CACNA1G: variants seen among roughly 807,000 people sequenced by gnomAD.
CACNA1G encodes the protein voltage-dependent T-type calcium channel subunit alpha-1G.
Under a neutral mutation model 219.4 loss-of-function variants are expected in CACNA1G, and 67 were observed. The observed-to-expected ratio is 0.31, with a 90% CI of 0.25 to 0.37. CACNA1G has a LOEUF of 0.37. Ranked by LOEUF, CACNA1G falls within the 10% of genes least tolerant of loss-of-function variation. CACNA1G has a pLI of 1.00. For missense variants in CACNA1G, 2,380 were observed against 3,231.4 expected (o/e 0.74, Z 6.39); for synonymous variants, 1,296 against 1,345.3 (o/e 0.96, Z 0.80).
chr17:50,594,979 C>T lies in CACNA1G; in HGVS notation c.2911-14C>T, dbSNP rs2045215014. On this transcript the variant is annotated splice_polypyrimidine_tract_variant and intron_variant, in intron 13 of 37. Transcript: ENST00000359106. ...TGACCAGCAGCCCTCCCCTGCCTCCCCCTTTCCCTGTAGGAAATCAGCAAA... is the reference window on the plus strand; with the variant it reads ...TGACCAGCAGCCCTCCCCTGCCTCCTCCTTTCCCTGTAGGAAATCAGCAAA... 1.3e-6 allele frequency: 2 copies of T among 1,551,794 alleles called. No individual in the cohort carries two copies. Among genetic ancestry groups the T allele is most frequent in the Admixed American group, 3.9e-5 (2 of 51,160 alleles).
At chr17:50,624,314 C>G (rs1237670281) in intron 36 of CACNA1G, 46 bp from the exon 37 acceptor site, 2 of 1,476,328 alleles carry the variant, frequency 1.4e-6, no homozygotes, top group Admixed American at 3.9e-5. Context: ...AACCCTCCAG[C>G]TCCATTCTCT....
In CACNA1G at chr17:50,618,714, C is replaced by G. The variant is rs1200022447; in HGVS notation, c.5487C>G (p.Ile1829Met). 12 of 1,613,862 alleles carry G rather than the reference C, an allele frequency of 7.4e-6. 1 individual carries two copies. The Admixed American group carries it at 1.8e-4, about 25-fold the overall frequency. ...GCTACAACACGGTCATCTCGCCTAT[C>G]TACTTTGTGTCCTTCGTGCTGACGG... ...STCYNTVISPIYFVSFVLTAQ... is the reference protein window; with the variant it reads ...STCYNTVISPMYFVSFVLTAQ... Residue 1829 changes from isoleucine (I) to methionine (M), a missense_variant, in exon 33 of 38, where the codon ATC becomes ATG. Ile to Met is a conservative substitution (Grantham distance 10). Transcript: ENST00000359106. The surrounding 1 kb of genome is among the most constrained non-coding windows in gnomAD (Gnocchi z 5.3).
At chr17:50,611,621 C>T (rs1044295357) in intron 26 of CACNA1G, among the ~76,000 whole-genome samples, 4 of 152,186 alleles carry the variant, frequency 2.6e-5, no homozygotes, top group Non-Finnish European at 5.9e-5. Flanking sequence ...GGCTGTCTTG[C>T]AAATTCCTGA....
At chr17:50,565,864 C>T (rs575100287) in intron 1 of CACNA1G, among the ~76,000 whole-genome samples, 2 of 152,316 alleles carry the variant, frequency 1.3e-5, no homozygotes, top group East Asian at 3.9e-4. Flanking sequence ...GGGTTCCTCT[C>T]TCTGCCGTTT....
At position 50,573,064 on chromosome 17, in the gene CACNA1G, T is replaced by A; in HGVS notation, c.1091T>A (p.Met364Lys). ...TGGGTCGACATCATGTACTTTGTGA[T>A]GGATGCTCATTCCTTCTACAATTTC... ...EGWVDIMYFV[M>K]DAHSFYNFIY... Residue 364 changes from methionine to lysine, a missense_variant, in exon 7 of 38, where the codon ATG becomes AAG. This residue lies in a region of CACNA1G where 72 missense variants were observed against 175.8 expected (regional missense o/e 0.41). Coordinates refer to ENST00000359106, the MANE Select transcript of CACNA1G (RefSeq NM_018896.5). 1 of 1,578,998 alleles carries A rather than the reference T, an allele frequency of 6.3e-7. No individual in the cohort carries two copies. The highest frequency in any genetic ancestry group is 8.6e-7 in the Non-Finnish European group (1 of 1,161,334).
rs779528738 is a variant in CACNA1G at position 50,571,830 on chromosome 17, C to T, written c.587-48C>T. On this transcript the variant is annotated intron_variant, in intron 4 of 37. Transcript: ENST00000359106. This position sits in a 1 kb window ranked among gnomAD's most constrained non-coding sequence, Gnocchi z 4.3. ...AGTGCTGCCGGGCCGTGGCAGTCAG[C>T]CTAGCCCGGCCAGCCTGGTGTCCCC... The T allele has an allele frequency of 1.2e-6, 2 of 1,603,358 alleles. No homozygotes were observed. Among genetic ancestry groups the T allele is most frequent in the South Asian group, 2.2e-5 (2 of 90,958 alleles).
rs753955051 is a variant in CACNA1G, at chr17:50,599,820, C to T, written c.3651C>T (p.Pro1217=). 2 of 1,611,402 alleles carry T rather than the reference C, an allele frequency of 1.2e-6. No homozygotes were observed. The highest frequency in any genetic ancestry group is 8.5e-7 in the Non-Finnish European group (1 of 1,179,834). The change falls in exon 17 of 38, where the codon CCC becomes CCT. Residue 1217 remains proline (P), a synonymous_variant. Coordinates refer to ENST00000359106, the MANE Select transcript of CACNA1G (RefSeq NM_018896.5). ...RLARALRPDD[P]PLDGDDADDE... is the part of the protein sequence containing the mutation. ...CCCGGGCCCTGCGGCCTGATGACCC[C>T]CCACTGGATGGGGATGACGCCGATG...
chr17:50,606,850 C>G, intron 23 of CACNA1G, 50 bp from the exon 24 acceptor site: 1 of 1,384,892 alleles, frequency 7.2e-7, no homozygotes. Context: ...ATAGGTGATT[C>G]AGCCACACAT....
chr17:50,585,520 A>G (rs1380567777), intron 9 of CACNA1G, among the ~76,000 whole-genome samples: 1 of 152,158 alleles, frequency 6.6e-6, no homozygotes, highest in African/African-American at 2.4e-5. Flanking sequence ...ATGAACTCTG[A>G]GGAATGTTGC....
At chr17:50,622,358 T>C (rs2052372552) in intron 35 of CACNA1G, among the ~76,000 whole-genome samples, 1 of 152,056 alleles carries the variant, frequency 6.6e-6, no homozygotes. Flanking sequence ...GGCTTCTCTG[T>C]GCTCTGATAG....
intron 9 of CACNA1G, among the ~76,000 whole-genome samples, chr17:50,584,077 G>A (rs568594462): frequency 3.3e-5 from 5 of 152,276 alleles, no homozygotes; most frequent in African/African-American, 1.2e-4. Flanking sequence ...GCATGATGGC[G>A]CCACCCGGGA....
intron 1 of CACNA1G, among the ~76,000 whole-genome samples, chr17:50,565,993 C>A (rs1422315275): frequency 1.3e-5 from 2 of 152,158 alleles, no homozygotes; most frequent in African/African-American, 4.8e-5. Flanking sequence ...AGACATGTGA[C>A]TGCACAGGTC....
Position 50,599,498 on chromosome 17 carries a change from G to A in CACNA1G, c.3329G>A (p.Arg1110Gln), listed in dbSNP as rs199655132. ...AGCTGGACCAGCAGGCGCTCCAGCC[G>A]GAACAGCCTCGGCCGTGCACCCAGC... ...ASSWTSRRSS[R>Q]NSLGRAPSLK... Residue 1110 changes from arginine to glutamine, a missense_variant, in exon 17 of 38, where the codon CGG (arginine) becomes CAG (glutamine). This residue lies in a region of CACNA1G where 418 missense variants were observed against 434.3 expected (regional missense o/e 0.96). Coordinates refer to ENST00000359106, the MANE Select transcript of CACNA1G (RefSeq NM_018896.5). 2.1e-5 allele frequency: 34 copies of A among 1,602,066 alleles called. No homozygotes were observed. The highest frequency in any genetic ancestry group is 3.7e-4 in the Middle Eastern group (2 of 5,476).
chr17:50,565,507 G>A (rs912247338), intron 1 of CACNA1G, among the ~76,000 whole-genome samples: 1 of 152,096 alleles, frequency 6.6e-6, no homozygotes, highest in African/African-American at 2.4e-5. Context: ...TGTGGGATGG[G>A]TGAGGCAAGG....
chr17:50,563,830 C>T (rs1436741747), intron 1 of CACNA1G: 1 of 152,230 alleles, frequency 6.6e-6, no homozygotes, highest in East Asian at 1.9e-4. Flanking sequence ...ACTGCCTAAG[C>T]TGTGCCCCTC....
intron 9 of CACNA1G, among the ~76,000 whole-genome samples, chr17:50,590,017 G>A (rs1386447273): frequency 6.6e-6 from 1 of 151,808 alleles, no homozygotes; most frequent in Non-Finnish European, 1.5e-5. Context: ...AGTAATTGTG[G>A]AATACATGTG....
At position 50,626,739 on chromosome 17, in the gene CACNA1G, C is replaced by A. The variant is rs751427428; in HGVS notation, c.7122C>A (p.Asp2374Glu). ...SLSGLSSDPA[D>E]LDP ...CCGGTTTATCCTCTGACCCAGCAGA[C>A]CTGGACCCCTGAGTCCTGCCCCACT... Residue 2374 changes from aspartate (D) to glutamate (E), a missense_variant, in exon 38 of 38, where the codon GAC becomes GAA. Asp to Glu is a conservative substitution (Grantham distance 45, BLOSUM62 2). Around this residue, in one of 17 missense-constraint regions of CACNA1G, gnomAD observed 672 missense variants for 670.5 expected, o/e 1.00. Transcript: ENST00000359106. This position sits in a 1 kb window ranked among gnomAD's most constrained non-coding sequence, Gnocchi z 4.3. 1.9e-6 allele frequency: 3 copies of A among 1,613,150 alleles called. No homozygotes were observed. Among genetic ancestry groups the A allele is most frequent in the Non-Finnish European group, 2.5e-6 (3 of 1,179,894 alleles).
intron 7 of CACNA1G, 99 bp from the exon 8 acceptor site, chr17:50,575,444 C>T (rs1016981892): frequency 5.8e-5 from 68 of 1,182,404 alleles, no homozygotes; most frequent in Middle Eastern, 5.9e-4. Context: ...AATAACTGAG[C>T]GTGGCGCTTG....
At position 50,578,077 on chromosome 17, in the gene CACNA1G, C is replaced by T. The variant is rs2041111125; in HGVS notation, c.1925-111C>T. 1.5e-6 allele frequency: 2 copies of T among 1,319,832 alleles called. No homozygotes were observed. Among genetic ancestry groups the T allele is most frequent in the Admixed American group, 2.5e-5 (1 of 40,412 alleles). The allele number at this position is 1,319,832 out of a possible 1,614,324, so 81.8% of individuals were successfully genotyped here. A position where few individuals can be genotyped will look rare whatever the true frequency, so the allele number is the denominator to read the frequency against. Reference sequence around the variant, plus strand: ...CCTGGCCCACTAAGTGCCTAGCACCCCATCACTGTAACAACCCCAGACTCC... The same window carrying T: ...CCTGGCCCACTAAGTGCCTAGCACCTCATCACTGTAACAACCCCAGACTCC... On this transcript the variant is annotated intron_variant, in intron 8 of 37. Transcript: ENST00000359106. The surrounding 1 kb of genome is among the most constrained non-coding windows in gnomAD (Gnocchi z 4.5).
Sources: gnomAD v4.1 joint callset for allele counts (sites outside exome capture counted in the v4.1 genomes callset) on GRCh38, gnomAD v4.1.1 for gene constraint, gnomAD v4.1.1 regional missense constraint, Gnocchi (gnomAD v3.1) non-coding constraint, MANE v1.5 for transcripts, NCBI Gene and HGNC (gene_info 2026-07-23, HGNC 2026-07-21) for gene names.